Variants in ACADSB observed in about 807,000 individuals in gnomAD.
ACADSB encodes short/branched chain specific acyl-CoA dehydrogenase, mitochondrial.
Under a neutral mutation model 54.1 loss-of-function variants are expected in ACADSB, and 40 were observed. The observed-to-expected ratio is 0.74, with a 90% CI of 0.57 to 0.96. ACADSB has a LOEUF of 0.96. Ranked by LOEUF, ACADSB falls within the 40% of genes least tolerant of loss-of-function variation. ACADSB has a pLI of 0.00. For missense variants in ACADSB, 530 were observed against 510.4 expected, an observed-to-expected ratio of 1.04 and a Z score of -0.37; for synonymous variants, 182 against 182.8, an observed-to-expected ratio of 1.00 and a Z score of 0.03.
chr10:123,029,239 TG>T (rs1230005262), intron 1 of ACADSB, among the ~76,000 whole-genome samples: 1 of 151,788 alleles, frequency 6.6e-6, no homozygotes, highest in Non-Finnish European at 1.5e-5. Flanking sequence ...CCCAGCTACT[TG>T]GAGACTGAGG....
At chr10:123,039,894 CCT>C (rs369016248) in intron 3 of ACADSB, among the ~76,000 whole-genome samples, 38 of 152,256 alleles carry the variant, frequency 2.5e-4, no homozygotes, top group Non-Finnish European at 4.1e-4. Flanking sequence ...AAGCATTTTA[CCT>C]CTCATTATTT....
At chr10:123,038,637 G>A (rs1850431739) in intron 3 of ACADSB, among the ~76,000 whole-genome samples, 1 of 152,124 alleles carries the variant, frequency 6.6e-6, no homozygotes, top group Non-Finnish European at 1.5e-5. Context: ...CTGCTATTCA[G>A]AGCCATTGGC....
intron 1 of ACADSB, among the ~76,000 whole-genome samples, chr10:123,025,798 C>T (rs11248367): frequency 0.072 from 11,022 of 152,200 alleles, 467 homozygotes; most frequent in Middle Eastern, 0.16. Context: ...TGGTGGCTCA[C>T]GCCTGTAATC....
At position 123,036,867 on chromosome 10, in the gene ACADSB, G is replaced by A. The variant is rs192218968; in HGVS notation, c.203-880G>A. On this transcript the variant is annotated intron_variant, in intron 2 of 10. Coordinates refer to ENST00000358776, the MANE Select transcript of ACADSB (RefSeq NM_001609.4). ...AGAGATTCTACATAATGAGAGTCGC[G>A]TGTGCAGAAACGAAGGAATACTGAA... 4.9e-3 allele frequency among the ~76,000 whole-genome samples: 748 copies of A among 152,304 alleles called. 3 individuals are homozygous for A. The highest frequency in any genetic ancestry group is 0.017 in the African/African-American group (709 of 41,568).
At chr10:123,047,686 A>C (rs1227765455) in intron 8 of ACADSB, among the ~76,000 whole-genome samples, 1 of 152,210 alleles carries the variant, frequency 6.6e-6, no homozygotes, top group Non-Finnish European at 1.5e-5. Context: ...TCTGTAAAAT[A>C]AAGGTAAAAC....
rs377763097 is a variant in ACADSB at position 123,041,419 on chromosome 10, C to A, written c.681+40C>A. The A allele has an allele frequency of 4.8e-4, 760 of 1,592,604 alleles. 2 individuals carry two copies. Among genetic ancestry groups the A allele is most frequent in the Middle Eastern group, 6.7e-4 (4 of 6,014 alleles). On this transcript the variant is annotated intron_variant, in intron 5 of 10. Transcript: ENST00000358776. The stretch of plus-strand genomic sequence containing the variant: ...GAAATTTCTTTCTTTTTCCAAACCC[C>A]TTCTTTTCTCTTTCTTTATCTTTTC...
intron 8 of ACADSB, among the ~76,000 whole-genome samples, chr10:123,049,151 A>G (rs968979339): frequency 6.6e-6 from 1 of 152,224 alleles, no homozygotes; most frequent in Non-Finnish European, 1.5e-5. Flanking sequence ...AAAAAGCAAC[A>G]TTATTATAGC....
At position 123,040,657 on chromosome 10, in the gene ACADSB, G is replaced by T. The variant is rs182966982; in HGVS notation, c.495G>T (p.Gln165His). The part of the protein sequence containing the change: ...TEEQKATYLP[Q>H]LTTEKVGSFC... ...AACAAAAGGCCACCTATTTGCCTCAGCTCACTACAGAAAAAGTGAGTTGAG... is the reference window on the plus strand; with the variant it reads ...AACAAAAGGCCACCTATTTGCCTCATCTCACTACAGAAAAAGTGAGTTGAG... Residue 165 changes from glutamine to histidine, a missense_variant, in exon 4 of 11, where the codon CAG becomes CAT. Transcript: ENST00000358776. The T allele has an allele frequency of 1.2e-6, 2 of 1,612,786 alleles. No individual in the cohort carries two copies. The highest frequency in any genetic ancestry group is 1.3e-5 in the African/African-American group (1 of 74,986).
intron 1 of ACADSB, among the ~76,000 whole-genome samples, chr10:123,014,557 A>C (rs1355292104): frequency 1.3e-5 from 2 of 152,260 alleles, no homozygotes; most frequent in Non-Finnish European, 2.9e-5. Context: ...AGGATGTTTT[A>C]GGGTATCATT....
Position 123,055,252 on chromosome 10 carries a change from CA to C in ACADSB, c.*1492del. The C allele has an allele frequency of 1.5e-5, 3 of 194,380 alleles. No individual in the cohort carries two copies. Among genetic ancestry groups the C allele is most frequent in the Non-Finnish European group, 3.0e-5 (3 of 99,274 alleles). 12.0% of individuals were successfully genotyped at this position (194,380 alleles called of 1,614,324 possible). A position where few individuals can be genotyped will look rare whatever the true frequency, so the allele number is the denominator to read the frequency against. On this transcript the variant is annotated 3_prime_UTR_variant, in exon 11 of 11. Transcript: ENST00000358776. Reference sequence around the variant, plus strand: ...GAGGCCTCAGAATCATGGTGGGAGGCAAAAAGCACTTCTTACATGGCGGCAG... The same window carrying C: ...GAGGCCTCAGAATCATGGTGGGAGGCAAAAGCACTTCTTACATGGCGGCAG...
At chr10:123,045,131 GTATATATATATATATATATATATATA>G (rs759224009) in intron 7 of ACADSB, among the ~76,000 whole-genome samples, 10 of 26,894 alleles carry the variant, frequency 3.7e-4, no homozygotes, top group East Asian at 2.3e-3. Context: ...TTTGTAGAGT[GTATATATATATATATATATATATATA>G]TATATATATA....
chr10:123,017,679 G>C (rs1041900125), intron 1 of ACADSB, among the ~76,000 whole-genome samples: 3 of 151,924 alleles, frequency 2.0e-5, no homozygotes, highest in African/African-American at 7.3e-5. Context: ...TTGAAGAGCC[G>C]GGCTTTCCTG....
chr10:123,047,869 A>C (rs1850580091), intron 8 of ACADSB, among the ~76,000 whole-genome samples: 1 of 152,198 alleles, frequency 6.6e-6, no homozygotes, highest in Non-Finnish European at 1.5e-5. Context: ...TGGAAGATAC[A>C]GTTTGCTGCA....
intron 7 of ACADSB, 102 bp from the exon 8 acceptor site, chr10:123,047,107 C>T: frequency 1.0e-6 from 1 of 962,466 alleles, no homozygotes; most frequent in African/African-American, 1.6e-5. Context: ...AGTTCTTCCC[C>T]TGCCCCAATC....
At position 123,034,515 on chromosome 10, in the gene ACADSB, G is replaced by C. The variant is rs144894218; in HGVS notation, c.202G>C (p.Val68Leu). 6 of 1,606,588 alleles carry C rather than the reference G, an allele frequency of 3.7e-6. No individual in the cohort carries two copies. Among genetic ancestry groups the C allele is most frequent in the Non-Finnish European group, 5.1e-6 (6 of 1,179,672 alleles). ...TGAGGAAATGATGATAAAGAGTTCA[G>C]GTAAGTAAATTTATCAGTGTCACCT... is the stretch of plus-strand genomic sequence containing the variant. ...TDEEMMIKSS[V>L]KKFAQEQIAP... The change falls in exon 2 of 11, where the codon GTT becomes CTT. Residue 68 changes from valine to leucine, a missense_variant and splice_region_variant. Coordinates refer to ENST00000358776, the MANE Select transcript of ACADSB (RefSeq NM_001609.4).
At chr10:123,009,681 G>GGGAGCC (rs1849983393) in intron 1 of ACADSB, among the ~76,000 whole-genome samples, 1 of 149,642 alleles carries the variant, frequency 6.7e-6, no homozygotes, top group African/African-American at 2.4e-5. Context: ...CGCCGCCCAG[G>GGGAGCC]GGAGCCGGAG....
chr10:123,045,146 TATATATATATATATATATATATA>T (rs1564752875), intron 7 of ACADSB, among the ~76,000 whole-genome samples: 475 of 14,350 alleles, frequency 0.033, 16 homozygotes, highest in Non-Finnish European at 0.046. Context: ...TATATATATA[TATATATATATATATATATATATA>T]TATTTTTTTT....
chr10:123,035,646 G>A (rs1414660193), intron 2 of ACADSB, among the ~76,000 whole-genome samples: 1 of 152,192 alleles, frequency 6.6e-6, no homozygotes, highest in African/African-American at 2.4e-5. Context: ...GTTGGGCTGT[G>A]TTTTCGTCCA....
At chr10:123,047,433 G>A in intron 8 of ACADSB, 135 bp downstream of exon 8, 4 of 686,390 alleles carry the variant, frequency 5.8e-6, no homozygotes, top group Non-Finnish European at 1.0e-5. Flanking sequence ...GGAAAGAATA[G>A]GTCTCAGGGA....
Sources: allele counts gnomAD v4.1 joint callset (sites outside exome capture counted in the v4.1 genomes callset), GRCh38; gene constraint gnomAD v4.1.1; transcripts MANE v1.5; gene names NCBI Gene and HGNC (gene_info 2026-07-23, HGNC 2026-07-21).